The following PTCH1 variants were observed in gnomAD, a reference collection of about 807,000 sequenced individuals.
PTCH1 encodes protein patched homolog 1.
Under a neutral mutation model 144.6 loss-of-function variants are expected in PTCH1, and 14 were observed. The ratio of observed to expected loss-of-function variants is 0.10; its 90% CI spans 0.06 to 0.15. PTCH1 has a LOEUF of 0.15. Ranked by LOEUF, PTCH1 falls within the 10% of genes least tolerant of loss-of-function variation. The pLI is 1.00. For missense variants in PTCH1, 1,623 were observed against 1,948.3 expected (o/e 0.83, Z 3.14); for synonymous variants, 833 against 793.6 (o/e 1.05, Z -0.83).
chr9:95,487,380 A>C (rs1051505580), intron 2 of PTCH1, among the ~76,000 whole-genome samples: 3 of 152,276 alleles, frequency 2.0e-5, no homozygotes, highest in Non-Finnish European at 4.4e-5. Flanking sequence ...CCTTGCCATC[A>C]ATGTGAAGTT....
intron 2 of PTCH1, chr9:95,494,205 ATC>A: frequency 1.0e-6 from 1 of 985,500 alleles, no homozygotes; most frequent in Non-Finnish European, 1.2e-6. Flanking sequence ...TGGCAGTGCC[ATC>A]TGTTATCAGC....
rs1371005350 is a variant in PTCH1 at position 95,478,994 on chromosome 9, G to T, written c.1215+6C>A. On this transcript the variant is annotated splice_donor_region_variant and intron_variant, in intron 8 of 23. Transcript: ENST00000331920. ...AGTCTGCACGCCGATTCGAAGGTGGGTTTACCTCCACATATGTCCTCTGCC... is the reference window on the plus strand; with the variant it reads ...AGTCTGCACGCCGATTCGAAGGTGGTTTTACCTCCACATATGTCCTCTGCC... The T allele has an allele frequency of 6.2e-7, 1 of 1,614,204 alleles. No individual in the cohort carries two copies. The highest frequency in any genetic ancestry group is 8.5e-7 in the Non-Finnish European group (1 of 1,180,048).
At chr9:95,487,603 G>A (rs1588626638) in intron 2 of PTCH1, among the ~76,000 whole-genome samples, 1 of 152,224 alleles carries the variant, frequency 6.6e-6, no homozygotes, top group East Asian at 1.9e-4. Context: ...GAAGCTGTAT[G>A]AGGCTAAAAA....
chr9:95,503,503 T>G (rs1342243062), intron 2 of PTCH1, among the ~76,000 whole-genome samples: 1 of 152,250 alleles, frequency 6.6e-6, no homozygotes, highest in Non-Finnish European at 1.5e-5. Flanking sequence ...TGGGTCTATC[T>G]GCATTTATGA....
intron 20 of PTCH1, chr9:95,452,595 T>C (rs1209659532): frequency 6.6e-6 from 1 of 152,236 alleles, no homozygotes; most frequent in Non-Finnish European, 1.5e-5. Context: ...GAAAACTCAC[T>C]GTTCTTTTAT....
Position 95,485,838 on chromosome 9 carries a change from C to T in PTCH1, c.431G>A (p.Arg144His), listed in dbSNP as rs1316474105. ...CATAGCCTCTTCTCCAATCTTCTGGCGAGTATAATTTAATTCACGACTTAC... is the reference window on the plus strand; with the variant it reads ...CATAGCCTCTTCTCCAATCTTCTGGTGAGTATAATTTAATTCACGACTTAC... Reference protein sequence around the residue: ...GRVSRELNYTRQKIGEEAMFN... With the variant: ...GRVSRELNYTHQKIGEEAMFN... Residue 144 changes from arginine (R) to histidine (H), a missense_variant, in exon 3 of 24, where the codon CGC becomes CAC. Around this residue, in one of 7 missense-constraint regions of PTCH1, gnomAD observed 245 missense variants for 240.6 expected, o/e 1.02. Coordinates refer to ENST00000331920, the MANE Select transcript of PTCH1 (RefSeq NM_000264.5). 4.3e-6 allele frequency: 7 copies of T among 1,614,112 alleles called. No homozygotes were observed. Among genetic ancestry groups the T allele is most frequent in the Non-Finnish European group, 5.9e-6 (7 of 1,180,032 alleles).
chr9:95,478,821 T>C (rs924785944), intron 8 of PTCH1, among the ~76,000 whole-genome samples, 179 bp downstream of exon 8: 1 of 152,220 alleles, frequency 6.6e-6, no homozygotes, highest in South Asian at 2.1e-4. Flanking sequence ...ACTAGTCTTT[T>C]AGATATTATC....
At chr9:95,469,536 C>G (rs1460394285) in intron 13 of PTCH1, among the ~76,000 whole-genome samples, 1 of 152,156 alleles carries the variant, frequency 6.6e-6, no homozygotes, top group Non-Finnish European at 1.5e-5. Context: ...ATGAAACATT[C>G]CTACAATCGG....
In PTCH1 at chr9:95,446,346, G is replaced by T. The variant is rs774171552; in HGVS notation, c.*47C>A. 2 of 517,844 alleles carry T rather than the reference G, an allele frequency of 3.9e-6. No individual in the cohort carries two copies. The highest frequency in any genetic ancestry group is 2.8e-5 in the South Asian group (2 of 71,160). The allele number at this position is 517,844 out of a possible 1,614,324, so 32.1% of individuals were successfully genotyped here. On this transcript the variant is annotated 3_prime_UTR_variant, in exon 24 of 24. Coordinates refer to ENST00000331920, the MANE Select transcript of PTCH1 (RefSeq NM_000264.5). The stretch of plus-strand genomic sequence containing the variant: ...AGCAGTTCTGGAAAGAGGTGGGGGT[G>T]GGGGGTTTCCAATCTTTGGCCTCTT...
intron 1 of PTCH1, chr9:95,506,822 A>C (rs1843697132): frequency 8.7e-7 from 1 of 1,143,248 alleles, no homozygotes; most frequent in South Asian, 4.0e-5. Flanking sequence ...CCTCGGGGAC[A>C]TCAGGGCGCC....
chr9:95,456,221 C>A (rs2136646174), intron 19 of PTCH1, 55 bp downstream of exon 19: 1 of 1,606,384 alleles, frequency 6.2e-7, no homozygotes. Flanking sequence ...ACAAACAGAG[C>A]CAGAGGAAAT....
intron 14 of PTCH1, 77 bp downstream of exon 14, chr9:95,468,674 T>C (rs1840261784): frequency 1.3e-6 from 2 of 1,565,018 alleles, no homozygotes; most frequent in African/African-American, 2.7e-5. Flanking sequence ...AGAAGAAAAG[T>C]AGAAGCAATC....
rs1838922991 is a variant in PTCH1, at chr9:95,456,332, C to A, written c.3250G>T (p.Val1084Phe). The change falls in exon 19 of 24, where the codon GTC (valine) becomes TTC (phenylalanine). Residue 1084 changes from valine (V) to phenylalanine (F), a missense_variant. Physicochemically the swap from Val to Phe is conservative, Grantham distance 50. Around this residue, in one of 7 missense-constraint regions of PTCH1, gnomAD observed 504 missense variants for 679.3 expected, o/e 0.74. Transcript: ENST00000331920. ...ATGCCAACAGAAGCGATCAGGATGA[C>A]CACGGGCACGGCACTGAGCTTGATT... ...IGIKLSAVPV[V>F]ILIASVGIGV... The A allele has an allele frequency of 3.1e-6, 5 of 1,614,114 alleles. No homozygotes were observed. The highest frequency in any genetic ancestry group is 4.2e-6 in the Non-Finnish European group (5 of 1,180,038).
At chr9:95,453,133 A>G in intron 20 of PTCH1, 1 of 356,310 alleles carries the variant, frequency 2.8e-6, no homozygotes, top group Non-Finnish European at 5.5e-6. Context: ...CTGAGCTAAT[A>G]ACAATATTTT....
rs1843933079 is a variant in PTCH1, at chr9:95,508,495, G to A, written c.-134C>T. On this transcript the variant is annotated 5_prime_UTR_variant, in exon 1 of 24. Coordinates refer to ENST00000331920, the MANE Select transcript of PTCH1 (RefSeq NM_000264.5). ...GGACGCTGCTGGCCGCAGGCTGCTC[G>A]GGCTCGGGCTCCGGTTGACAGACCA... 2.1e-5 allele frequency: 21 copies of A among 1,019,502 alleles called. No homozygotes were observed. The highest frequency in any genetic ancestry group is 2.5e-5 in the Non-Finnish European group (21 of 852,142). 63.2% of individuals were successfully genotyped at this position (1,019,502 alleles called of 1,614,324 possible). A position where few individuals can be genotyped will look rare whatever the true frequency, so the allele number is the denominator to read the frequency against.
At chr9:95,457,398 T>C (rs902897366) in intron 18 of PTCH1, among the ~76,000 whole-genome samples, 1 of 152,190 alleles carries the variant, frequency 6.6e-6, no homozygotes. Flanking sequence ...GGCCTTTGTT[T>C]TTATAATTTT....
At chr9:95,486,895 G>A (rs1317843729) in intron 2 of PTCH1, among the ~76,000 whole-genome samples, 1 of 152,172 alleles carries the variant, frequency 6.6e-6, no homozygotes, top group African/African-American at 2.4e-5. Context: ...CCACAGTCTA[G>A]GGCAAAGGAA....
chr9:95,451,506 G>A (rs1838458676), intron 20 of PTCH1: 1 of 152,198 alleles, frequency 6.6e-6, no homozygotes, highest in Non-Finnish European at 1.5e-5. Flanking sequence ...TTCCAGCTGG[G>A]GGCTCTAATT....
rs568460825 is a variant in PTCH1, at chr9:95,476,599, G to A, written c.1602+160C>T. The stretch of plus-strand genomic sequence containing the variant: ...CTCATAGCAAATACATGTCCTGAGA[G>A]TCTTCCAGCTTATTTCATTGACTGG... On this transcript the variant is annotated intron_variant, in intron 11 of 23. Coordinates refer to ENST00000331920, the MANE Select transcript of PTCH1 (RefSeq NM_000264.5). This position sits in a 1 kb window ranked among gnomAD's most constrained non-coding sequence, Gnocchi z 4.6. Among the ~76,000 whole-genome samples the A allele has an allele frequency of 1.3e-5, 2 of 152,248 alleles. No individual in the cohort carries two copies. Among genetic ancestry groups the A allele is most frequent in the Admixed American group, 6.5e-5 (1 of 15,286 alleles).
Sources: allele counts gnomAD v4.1 joint callset (sites outside exome capture counted in the v4.1 genomes callset), GRCh38; gene constraint gnomAD v4.1.1; regional missense constraint gnomAD v4.1.1; non-coding constraint Gnocchi (gnomAD v3.1); transcripts MANE v1.5; gene names NCBI Gene and HGNC (gene_info 2026-07-23, HGNC 2026-07-21).